B4GALNT3: variants seen among roughly 807,000 people sequenced by gnomAD.
B4GALNT3 encodes beta-1,4-N-acetyl-galactosaminyltransferase 3, also known as beta-1,4-N-acetylgalactosaminyltransferase 3.
B4GALNT3 carries 86 observed loss-of-function variants against 120.2 expected under a neutral mutation model. The observed-to-expected ratio is 0.72, with a 90% confidence interval of 0.60 to 0.86. B4GALNT3 has a LOEUF of 0.86. Ranked by LOEUF, B4GALNT3 falls within the 40% of genes least tolerant of loss-of-function variation. The pLI is 0.00. For missense variants in B4GALNT3, 1,167 were observed against 1,298.9 expected (o/e 0.90, Z 1.56); for synonymous variants, 518 against 510.4 (o/e 1.01, Z -0.20).
chr12:468,283 A>T (rs1322199924), intron 1 of B4GALNT3, among the ~76,000 whole-genome samples: 1 of 152,250 alleles, frequency 6.6e-6, no homozygotes, highest in Admixed American at 6.5e-5. Flanking sequence ...CAGATGTTGG[A>T]TTCCAGGATG....
chr12:540,775 G>A (rs867597090), intron 3 of B4GALNT3, among the ~76,000 whole-genome samples: 4 of 151,592 alleles, frequency 2.6e-5, no homozygotes, highest in Admixed American at 6.6e-5. Context: ...ACGGAGTCTC[G>A]CTCTGTCGCC....
chr12:544,805 GTCTTCCCGCCAATCC>G, intron 4 of B4GALNT3, 62 bp from the exon 5 acceptor site: 9 of 1,444,474 alleles, frequency 6.2e-6, no homozygotes, highest in Non-Finnish European at 8.7e-6. Flanking sequence ...TCCCCTCCTG[GTCTTCCCGCCAATCC>G]TGGCGGGAAG....
intron 1 of B4GALNT3, among the ~76,000 whole-genome samples, chr12:529,428 C>T (rs552645864): frequency 7.2e-4 from 109 of 152,282 alleles, no homozygotes; most frequent in Non-Finnish European, 8.1e-4. Context: ...CATCTGTAGG[C>T]GGGCAACGTT....
At chr12:511,508 C>G (rs1448096035) in intron 1 of B4GALNT3, among the ~76,000 whole-genome samples, 10 of 127,362 alleles carry the variant, frequency 7.9e-5, no homozygotes, top group East Asian at 2.2e-4. Flanking sequence ...TTCCACCTTC[C>G]ACCTTCTTCC....
intron 1 of B4GALNT3, among the ~76,000 whole-genome samples, chr12:520,872 G>A (rs567214078): frequency 6.6e-6 from 1 of 152,206 alleles, no homozygotes; most frequent in East Asian, 1.9e-4. Flanking sequence ...AGAAATACTT[G>A]CACATTGTCT....
Position 552,171 on chromosome 12 carries a change from A to G in B4GALNT3, c.1208+8A>G, listed in dbSNP as rs1216067515. Reference sequence around the variant, plus strand: ...CGCCTACTACCAAGACCGGTGAGAGACACTGAGTGGGGCAGGAAGGTGACC... The same window carrying G: ...CGCCTACTACCAAGACCGGTGAGAGGCACTGAGTGGGGCAGGAAGGTGACC... On this transcript the variant is annotated splice_region_variant and intron_variant, in intron 12 of 19. Coordinates refer to ENST00000266383, the MANE Select transcript of B4GALNT3 (RefSeq NM_173593.4). 2 of 1,591,524 alleles carry G rather than the reference A, an allele frequency of 1.3e-6. No individual in the cohort carries two copies. The highest frequency in any genetic ancestry group is 1.7e-6 in the Non-Finnish European group (2 of 1,159,682).
chr12:556,062 T>C (rs11612547), intron 14 of B4GALNT3, among the ~76,000 whole-genome samples: 9,822 of 152,072 alleles, frequency 0.065, 708 homozygotes, highest in Admixed American at 0.22. Flanking sequence ...GGATTACAGG[T>C]GTGAGCCACT....
Position 550,046 on chromosome 12 carries a change from A to G in B4GALNT3, c.997+134A>G, listed in dbSNP as rs1190436302. On this transcript the variant is annotated intron_variant, in intron 10 of 19. Transcript: ENST00000266383. The surrounding 1 kb of genome is among the most constrained non-coding windows in gnomAD (Gnocchi z 4.1). ...TAGAACTTTTTATCGTCCTTGTAACATAGAACATGCATACAGAAAAGAGAG... is the reference window on the plus strand; with the variant it reads ...TAGAACTTTTTATCGTCCTTGTAACGTAGAACATGCATACAGAAAAGAGAG... 2.0e-6 allele frequency: 2 copies of G among 980,476 alleles called. No homozygotes were observed. Among genetic ancestry groups the G allele is most frequent in the South Asian group, 1.7e-5 (1 of 57,880 alleles). 60.7% of individuals were successfully genotyped at this position (980,476 alleles called of 1,614,324 possible). A position where few individuals can be genotyped will look rare whatever the true frequency, so the allele number is the denominator to read the frequency against.
At chr12:537,949 GC>G (rs1234980061) in intron 3 of B4GALNT3, among the ~76,000 whole-genome samples, 4 of 152,092 alleles carry the variant, frequency 2.6e-5, no homozygotes, top group Non-Finnish European at 5.9e-5. Flanking sequence ...TCCTTTTAAA[GC>G]CCTGGGAGAG....
intron 1 of B4GALNT3, among the ~76,000 whole-genome samples, chr12:474,951 A>C (rs1946169706): frequency 6.7e-6 from 1 of 148,178 alleles, no homozygotes; most frequent in Non-Finnish European, 1.5e-5. Context: ...TTGTCTCAAA[A>C]AAAAAAAAAA....
chr12:513,163 CCTTCCACCTTCCACCTT>C (rs1225541529), intron 1 of B4GALNT3, among the ~76,000 whole-genome samples: 7 of 151,676 alleles, frequency 4.6e-5, no homozygotes, highest in African/African-American at 1.7e-4. Context: ...CCACCTTCCA[CCTTCCACCTTCCACCTT>C]CTTCCACCTT....
chr12:533,423 G>C (rs1423709524), intron 1 of B4GALNT3, among the ~76,000 whole-genome samples: 1 of 152,208 alleles, frequency 6.6e-6, no homozygotes, highest in Non-Finnish European at 1.5e-5. Context: ...AGACCTTGAT[G>C]GCAGAGGGAT....
rs568524818 is a variant in B4GALNT3 at position 535,077 on chromosome 12, G to A, written c.170-89G>A. On this transcript the variant is annotated intron_variant, in intron 1 of 19. Coordinates refer to ENST00000266383, the MANE Select transcript of B4GALNT3 (RefSeq NM_173593.4). ...CTGAAGAGAGGTGAGAAGGGAAGAC[G>A]GTTCCCTCCATTAACCTCCCAAATC... 111 of 1,058,588 alleles carry A rather than the reference G, an allele frequency of 1.0e-4. 1 individual carries two copies. Among genetic ancestry groups the A allele is most frequent in the South Asian group, 6.9e-4 (45 of 64,826 alleles). The allele number at this position is 1,058,588 out of a possible 1,614,324, so 65.6% of individuals were successfully genotyped here.
chr12:510,669 G>A (rs1037900853), intron 1 of B4GALNT3, among the ~76,000 whole-genome samples: 18 of 152,264 alleles, frequency 1.2e-4, no homozygotes, highest in Middle Eastern at 3.4e-3. Context: ...CTGCAGAGCT[G>A]CTTTGGAAAG....
chr12:551,057 G>A lies in B4GALNT3; in HGVS notation c.1107+26G>A. The A allele has an allele frequency of 3.2e-6, 5 of 1,557,998 alleles. No individual in the cohort carries two copies. In the Middle Eastern group the frequency reaches 5.1e-4, roughly 158 times the overall value. On this transcript the variant is annotated intron_variant, in intron 11 of 19. Coordinates refer to ENST00000266383, the MANE Select transcript of B4GALNT3 (RefSeq NM_173593.4). ...GTAAGTCTTGGGCCTGGGTCATGGA[G>A]AGCAGGGCTGGCAGAGGGATTGCTG... is the stretch of plus-strand genomic sequence containing the variant.
At chr12:547,994 G>T in intron 7 of B4GALNT3, 30 bp from the exon 8 acceptor site, 1 of 1,601,146 alleles carries the variant, frequency 6.2e-7, no homozygotes, top group Non-Finnish European at 8.6e-7. Context: ...TGGAGATGGC[G>T]CTCTGCTTCC....
rs1331872641 is a variant in B4GALNT3 at position 460,522 on chromosome 12, T to C, written c.146T>C (p.Val49Ala). Residue 49 changes from valine to alanine, a missense_variant, in exon 1 of 20, where the codon GTC (valine) becomes GCC (alanine). By Grantham distance (64) the Val-to-Ala change is moderately conservative. Transcript: ENST00000266383. The surrounding 1 kb of genome is among the most constrained non-coding windows in gnomAD (Gnocchi z 8.0). ...CTGGAACTGGTGGCGTCGGCCCAGG[T>C]CGGCGGGAACCCCCTGAACCGGAGT... is the stretch of plus-strand genomic sequence containing the variant. Reference protein sequence around the residue: ...LYLELVASAQVGGNPLNRRYG... With the variant: ...LYLELVASAQAGGNPLNRRYG... 3 of 1,549,980 alleles carry C rather than the reference T, an allele frequency of 1.9e-6. No individual in the cohort carries two copies. The highest frequency in any genetic ancestry group is 1.8e-5 in the Admixed American group (1 of 54,518).
intron 1 of B4GALNT3, among the ~76,000 whole-genome samples, chr12:507,068 G>A (rs574943206): frequency 1.8e-4 from 28 of 151,824 alleles, no homozygotes; most frequent in African/African-American, 5.3e-4. Flanking sequence ...ATTAAGCCCC[G>A]GTACATTTGT....
At position 486,830 on chromosome 12, in the gene B4GALNT3, T is replaced by C. The variant is rs532241103; in HGVS notation, c.169+26285T>C. ...GGCATACTAAAAGGGAAAAAACACA[T>C]TTTGAAGAGACTGGACAATTAGAAC... On this transcript the variant is annotated intron_variant, in intron 1 of 19. Coordinates refer to ENST00000266383, the MANE Select transcript of B4GALNT3 (RefSeq NM_173593.4). 3.3e-5 allele frequency among the ~76,000 whole-genome samples: 5 copies of C among 152,286 alleles called. No individual in the cohort carries two copies. The South Asian group carries it at 1.0e-3, about 32-fold the overall frequency.
Sources: gnomAD v4.1 joint callset for allele counts (sites outside exome capture counted in the v4.1 genomes callset) on GRCh38, gnomAD v4.1.1 for gene constraint, Gnocchi (gnomAD v3.1) non-coding constraint, MANE v1.5 for transcripts, NCBI Gene and HGNC (gene_info 2026-07-23, HGNC 2026-07-21) for gene names.